The following EYS variants were observed in gnomAD, a reference collection of about 807,000 sequenced individuals.
EYS encodes the protein protein eyes shut homolog.
In EYS, 250 loss-of-function variants were observed where a neutral mutation model predicts 282.1. The ratio of observed to expected loss-of-function variants is 0.89; its 90% CI spans 0.80 to 0.98. The LOEUF is 0.98. Among genes scored for constraint, EYS ranks in the 50% least tolerant of loss-of-function variants. The pLI, the probability that EYS is intolerant of heterozygous loss-of-function variation, is 0.00. For synonymous variants in EYS, 1,355 were observed against 1,282.9 expected, an observed-to-expected ratio of 1.06 and a Z score of -1.20; for missense variants, 4,016 against 3,709.0, an observed-to-expected ratio of 1.08 and a Z score of -2.15.
intron 32 of EYS, among the ~76,000 whole-genome samples, chr6:64,076,531 A>AT (rs1771775928): frequency 6.6e-6 from 1 of 151,698 alleles, no homozygotes; most frequent in Non-Finnish European, 1.5e-5. Context: ...TCATGGGGGC[A>AT]TTTTCCCTCA....
At chr6:65,452,130 A>C (rs1383727413) in intron 5 of EYS, among the ~76,000 whole-genome samples, 1 of 151,742 alleles carries the variant, frequency 6.6e-6, no homozygotes, top group East Asian at 1.9e-4. Flanking sequence ...ATGACCTCAC[A>C]CTTAGTGTGA....
intron 1 of EYS, among the ~76,000 whole-genome samples, chr6:65,700,101 C>A (rs961133430): frequency 9.6e-6 from 1 of 104,660 alleles, no homozygotes; most frequent in African/African-American, 3.9e-5. Context: ...GGTGACAGAG[C>A]GAGACTCCGT....
At chr6:65,613,747 CAATTATGATG>C (rs982749477) in intron 2 of EYS, among the ~76,000 whole-genome samples, 3 of 151,830 alleles carry the variant, frequency 2.0e-5, no homozygotes, top group African/African-American at 7.2e-5. Context: ...TGACTTTTTT[CAATTATGATG>C]AATTATGATA....
chr6:64,532,881 A>G (rs1004887680), intron 26 of EYS, among the ~76,000 whole-genome samples: 2 of 152,164 alleles, frequency 1.3e-5, no homozygotes, highest in South Asian at 4.1e-4. Flanking sequence ...AGTCAGTTGG[A>G]GCAACCCCCT....
At chr6:65,385,511 C>G (rs1765766569) in intron 7 of EYS, among the ~76,000 whole-genome samples, 1 of 151,852 alleles carries the variant, frequency 6.6e-6, no homozygotes, top group Admixed American at 6.6e-5. Flanking sequence ...TCAGCACCCA[C>G]CATATGCCAG....
At chr6:65,589,263 C>T (rs1010733960) in intron 2 of EYS, among the ~76,000 whole-genome samples, 3 of 152,048 alleles carry the variant, frequency 2.0e-5, no homozygotes, top group Non-Finnish European at 2.9e-5. Flanking sequence ...GCACCAGGCA[C>T]TCTGCATGTT....
At chr6:65,561,014 T>G (rs1769033136) in intron 2 of EYS, among the ~76,000 whole-genome samples, 2 of 152,090 alleles carry the variant, frequency 1.3e-5, no homozygotes, top group South Asian at 4.1e-4. Flanking sequence ...CCTTGGATAA[T>G]TCACAGATAT....
rs921209538 is a variant in EYS at position 65,089,077 on chromosome 6, G to A, written c.2024-31350C>T. 3.9e-5 allele frequency among the ~76,000 whole-genome samples: 6 copies of A among 152,294 alleles called. No individual in the cohort carries two copies. The South Asian group carries it at 1.2e-3, about 32-fold the overall frequency. On this transcript the variant is annotated intron_variant, in intron 12 of 42. Transcript: ENST00000503581. ...TGCCTAGATGTCCAGGCAGAAGTTT[G>A]CTGTAGGGCCAGGGTCCTCAGGGAG... is the stretch of plus-strand genomic sequence containing the variant.
chr6:65,026,881 C>A (rs1161752355), intron 13 of EYS, among the ~76,000 whole-genome samples: 5 of 148,806 alleles, frequency 3.4e-5, no homozygotes, highest in African/African-American at 1.2e-4. Context: ...CGTGCCATTG[C>A]ACTCCAGCCT....
intron 19 of EYS, among the ~76,000 whole-genome samples, chr6:64,856,924 C>T (rs1766082285): frequency 6.6e-6 from 1 of 152,116 alleles, no homozygotes; most frequent in Non-Finnish European, 1.5e-5. Flanking sequence ...TTGTGTTTTA[C>T]ATTTAGATCT....
intron 28 of EYS, among the ~76,000 whole-genome samples, chr6:64,406,113 T>A (rs528648917): frequency 6.6e-6 from 1 of 152,050 alleles, no homozygotes; most frequent in Non-Finnish European, 1.5e-5. Context: ...AAAACAGATA[T>A]GTATAGACCA....
At chr6:64,999,343 A>G (rs1054182297) in intron 13 of EYS, among the ~76,000 whole-genome samples, 1 of 152,252 alleles carries the variant, frequency 6.6e-6, no homozygotes, top group East Asian at 1.9e-4. Flanking sequence ...CAGGAAAGAC[A>G]TGTTATACAC....
intron 2 of EYS, among the ~76,000 whole-genome samples, chr6:65,627,601 C>G (rs1443111350): frequency 7.2e-5 from 11 of 152,290 alleles, no homozygotes; most frequent in African/African-American, 2.4e-4. Context: ...AGCTGGAGTT[C>G]CGGGTGGGCG....
chr6:65,263,703 C>CTGTGTGTGTGTG lies in EYS; in HGVS notation c.2023+32148_2023+32159dup, dbSNP rs3042394. 6.5e-3 allele frequency among the ~76,000 whole-genome samples: 917 copies of CTGTGTGTGTGTG among 141,392 alleles called. 6 individuals carry two copies. Among genetic ancestry groups the CTGTGTGTGTGTG allele is most frequent in the African/African-American group, 0.015 (580 of 38,574 alleles). 92.8% of individuals were successfully genotyped at this position (141,392 alleles called of 152,430 possible). A position where few individuals can be genotyped will look rare whatever the true frequency, so the allele number is the denominator to read the frequency against. The stretch of plus-strand genomic sequence containing the variant: ...CCTAAAAAGCAAAAACAAGGCAAAG[C>CTGTGTGTGTGTG]TGTGTGTGTGTGTGTGTGTGTGTGT... On this transcript the variant is annotated intron_variant, in intron 12 of 42. Transcript: ENST00000503581.
At chr6:64,770,564 T>G (rs1343847687) in intron 22 of EYS, among the ~76,000 whole-genome samples, 1 of 151,954 alleles carries the variant, frequency 6.6e-6, no homozygotes, top group Non-Finnish European at 1.5e-5. Flanking sequence ...TTGCCAGTGC[T>G]TCTGAGGTTC....
intron 2 of EYS, among the ~76,000 whole-genome samples, chr6:65,626,811 T>A (rs555392160): frequency 6.6e-6 from 1 of 151,982 alleles, no homozygotes; most frequent in Admixed American, 6.6e-5. Context: ...ATATATTGAC[T>A]ATGTGTGTGC....
At chr6:64,339,470 A>T (rs1256172513) in intron 29 of EYS, among the ~76,000 whole-genome samples, 5 of 151,930 alleles carry the variant, frequency 3.3e-5, no homozygotes, top group Non-Finnish European at 1.5e-5. Flanking sequence ...AAAAAAATTC[A>T]AAAAACAGTG....
intron 26 of EYS, among the ~76,000 whole-genome samples, chr6:64,565,955 T>TAA (rs556439758): frequency 1.5e-5 from 2 of 133,298 alleles, no homozygotes; most frequent in Non-Finnish European, 3.3e-5. Context: ...TCATACAAAT[T>TAA]AAAAAAAAAA....
chr6:65,418,274 A>G (rs1041344838), intron 5 of EYS, among the ~76,000 whole-genome samples: 1 of 152,034 alleles, frequency 6.6e-6, no homozygotes, highest in African/African-American at 2.4e-5. Flanking sequence ...AACAAAAAGT[A>G]ATACAGAGAA....
Sources: allele counts gnomAD v4.1 joint callset (sites outside exome capture counted in the v4.1 genomes callset), GRCh38; gene constraint gnomAD v4.1.1; transcripts MANE v1.5; gene names NCBI Gene and HGNC (gene_info 2026-07-23, HGNC 2026-07-21).